The following SLC39A8 variants were observed in gnomAD, a reference collection of about 807,000 sequenced individuals.
SLC39A8 encodes metal cation symporter ZIP8.
Under a neutral mutation model 40.4 loss-of-function variants are expected in SLC39A8, and 15 were observed. That is an observed-to-expected ratio of 0.37 (90% confidence interval 0.25 to 0.57). The LOEUF is 0.57. SLC39A8 is among the 20% of genes least tolerant of loss of function. SLC39A8 has a pLI of 0.75. For synonymous variants in SLC39A8, 223 were observed against 221.6 expected, an observed-to-expected ratio of 1.01 and a Z score of -0.06; for missense variants, 472 against 558.8, an observed-to-expected ratio of 0.84 and a Z score of 1.57.
Position 102,302,935 on chromosome 4 carries a change from T to C in SLC39A8, c.840+1382A>G, listed in dbSNP as rs570476508. Among the ~76,000 whole-genome samples the C allele has an allele frequency of 2.6e-5, 4 of 152,136 alleles. No individual in the cohort carries two copies. In the South Asian group the frequency reaches 8.3e-4, roughly 32 times the overall value. On this transcript the variant is annotated intron_variant, in intron 6 of 8. Coordinates refer to ENST00000356736, the MANE Select transcript of SLC39A8 (RefSeq NM_001135146.2). ...CATTACACTGCAAAAAATAATTTCC[T>C]CTTAGCTGAGTGCTAACACAGAACT...
chr4:102,279,148 TA>T (rs565378709), intron 6 of SLC39A8, among the ~76,000 whole-genome samples: 13,168 of 144,388 alleles, frequency 0.091, 626 homozygotes, highest in South Asian at 0.18. Flanking sequence ...AGTATAATAA[TA>T]AAAAAAAAAA....
At chr4:102,253,048 A>T (rs1347278554) in exon 12 of SLC39A8, 2 of 170,962 alleles carry the variant, frequency 1.2e-5, no homozygotes, top group Non-Finnish European at 2.4e-5. Flanking sequence ...TCAGGAACCC[A>T]CTCTACTCCA....
At chr4:102,276,078 A>G (rs1396222007) in intron 6 of SLC39A8, among the ~76,000 whole-genome samples, 3 of 152,236 alleles carry the variant, frequency 2.0e-5, no homozygotes, top group African/African-American at 7.2e-5. Context: ...TAAAAGAACT[A>G]GAGAAGCAAG....
chr4:102,303,867 T>C (rs1302092674), intron 6 of SLC39A8, among the ~76,000 whole-genome samples: 1 of 151,936 alleles, frequency 6.6e-6, no homozygotes, highest in Non-Finnish European at 1.5e-5. Flanking sequence ...TAATATTATT[T>C]AGAAGATGTG....
At chr4:102,306,288 T>C (rs938834425) in intron 4 of SLC39A8, among the ~76,000 whole-genome samples, 1 of 151,890 alleles carries the variant, frequency 6.6e-6, no homozygotes, top group African/African-American at 2.4e-5. Flanking sequence ...ATATATTATA[T>C]CATATTAAAT....
At chr4:102,302,326 G>C (rs1733955993) in intron 6 of SLC39A8, among the ~76,000 whole-genome samples, 1 of 151,948 alleles carries the variant, frequency 6.6e-6, no homozygotes, top group Non-Finnish European at 1.5e-5. Flanking sequence ...CAATATAGCT[G>C]ACTGGCACCT....
At chr4:102,335,614 TAATAA>T (rs2149054095) in intron 2 of SLC39A8, among the ~76,000 whole-genome samples, 1 of 152,304 alleles carries the variant, frequency 6.6e-6, no homozygotes, top group South Asian at 2.1e-4. Flanking sequence ...GGGGCAAAAA[TAATAA>T]AATAAAGCCA....
intron 2 of SLC39A8, among the ~76,000 whole-genome samples, chr4:102,326,137 C>T (rs1343696543): frequency 1.3e-5 from 2 of 152,124 alleles, no homozygotes; most frequent in Non-Finnish European, 2.9e-5. Context: ...GGGCATTATC[C>T]CATTTTGCCA....
intron 8 of SLC39A8, among the ~76,000 whole-genome samples, chr4:102,263,467 A>G (rs1001447555): frequency 2.0e-5 from 3 of 152,214 alleles, no homozygotes; most frequent in Admixed American, 1.3e-4. Context: ...CTTTATTGCT[A>G]AAAAATGCTA....
chr4:102,337,401 G>A (rs1735719877), intron 2 of SLC39A8, among the ~76,000 whole-genome samples: 1 of 152,082 alleles, frequency 6.6e-6, no homozygotes, highest in Admixed American at 6.5e-5. Context: ...CATAACAGCT[G>A]CAAATCTCCC....
At position 102,267,632 on chromosome 4, in the gene SLC39A8, TG is replaced by T; in HGVS notation, c.1090del (p.Gln364LysfsTer17). ...ILLNAGMSTR[Q>X]ALLFNFLSAC... is the part of the protein sequence containing the mutation. ...AGAAAGGAAGTTGAATAGCAAGGCT[TG>T]TCGAGTGCTCATCCCTGCATTGAGT... On this transcript the variant is annotated frameshift_variant, in exon 8 of 9. Transcript: ENST00000356736. LOFTEE classifies it high-confidence loss of function. 2 of 1,613,232 alleles carry T rather than the reference TG, an allele frequency of 1.2e-6. No individual in the cohort carries two copies. The highest frequency in any genetic ancestry group is 1.7e-6 in the Non-Finnish European group (2 of 1,179,766).
chr4:102,281,915 G>C (rs1053569527), intron 6 of SLC39A8, among the ~76,000 whole-genome samples: 2 of 152,166 alleles, frequency 1.3e-5, no homozygotes, highest in Non-Finnish European at 2.9e-5. Flanking sequence ...CTGGAGCACA[G>C]AGCAGTAGTG....
chr4:102,300,801 A>G (rs1172347034), intron 6 of SLC39A8, among the ~76,000 whole-genome samples: 1 of 151,808 alleles, frequency 6.6e-6, no homozygotes, highest in Non-Finnish European at 1.5e-5. Context: ...AATATTAGAA[A>G]GTATTTTAAT....
chr4:102,338,031 C>CA (rs532604643), intron 2 of SLC39A8, among the ~76,000 whole-genome samples: 61 of 152,158 alleles, frequency 4.0e-4, no homozygotes, highest in Middle Eastern at 3.4e-3. Context: ...TTTCCAACCC[C>CA]AAAAAATCCC....
At chr4:102,318,075 G>A (rs774337299) in intron 2 of SLC39A8, among the ~76,000 whole-genome samples, 1 of 152,144 alleles carries the variant, frequency 6.6e-6, no homozygotes, top group Non-Finnish European at 1.5e-5. Context: ...ATTTCTTGCT[G>A]TGAATGGCAG....
At chr4:102,340,926 A>G (rs774824640) in intron 2 of SLC39A8, among the ~76,000 whole-genome samples, 1 of 152,202 alleles carries the variant, frequency 6.6e-6, no homozygotes, top group African/African-American at 2.4e-5. Context: ...AAGGAAGATA[A>G]TGAGTTAAGA....
chr4:102,288,009 C>T (rs942335177), intron 6 of SLC39A8, among the ~76,000 whole-genome samples: 1 of 152,106 alleles, frequency 6.6e-6, no homozygotes, highest in Non-Finnish European at 1.5e-5. Flanking sequence ...ATTATTATTT[C>T]TATTAGTTAT....
intron 2 of SLC39A8, among the ~76,000 whole-genome samples, chr4:102,332,489 G>T (rs1256727021): frequency 6.6e-6 from 1 of 152,216 alleles, no homozygotes. Flanking sequence ...AGTTAGAATG[G>T]CGATCAGTAA....
intron 2 of SLC39A8, among the ~76,000 whole-genome samples, chr4:102,318,617 G>A (rs968883317): frequency 8.5e-5 from 13 of 152,092 alleles, no homozygotes; most frequent in African/African-American, 1.9e-4. Context: ...AGAGTCCAGC[G>A]CCTGAAGAGT....
Sources: allele counts gnomAD v4.1 joint callset (sites outside exome capture counted in the v4.1 genomes callset), GRCh38; gene constraint gnomAD v4.1.1; transcripts MANE v1.5; gene names NCBI Gene and HGNC (gene_info 2026-07-23, HGNC 2026-07-21).